The following PKHD1 variants were observed in gnomAD, a reference collection of about 807,000 sequenced individuals.
The protein encoded by PKHD1 is PKHD1 ciliary IPT domain containing fibrocystin/polyductin.
PKHD1 carries 291 observed loss-of-function variants against 412.0 expected under a neutral mutation model. The observed-to-expected ratio is 0.71, with a 90% CI of 0.64 to 0.78. The LOEUF is 0.78. Among genes scored for constraint, PKHD1 ranks in the 30% least tolerant of loss-of-function variants. The pLI is 0.00. For synonymous variants in PKHD1, 1,777 were observed against 1,821.5 expected (o/e 0.98, Z 0.62); for missense variants, 4,825 against 4,950.7 (o/e 0.97, Z 0.76).
At chr6:51,892,815 C>A (rs1165279969) in intron 43 of PKHD1, among the ~76,000 whole-genome samples, 1 of 152,186 alleles carries the variant, frequency 6.6e-6, no homozygotes, top group Non-Finnish European at 1.5e-5. Context: ...CAATTTTTCT[C>A]TTGTGCTAGA....
intron 60 of PKHD1, 124 bp from the exon 61 acceptor site, chr6:51,660,093 C>T (rs1772596658): frequency 3.1e-6 from 2 of 651,680 alleles, no homozygotes; most frequent in Non-Finnish European, 5.2e-6. Flanking sequence ...TCTAATTGTG[C>T]CAGATACTGA....
At chr6:51,782,160 A>C (rs924386151) in intron 53 of PKHD1, among the ~76,000 whole-genome samples, 3 of 152,048 alleles carry the variant, frequency 2.0e-5, no homozygotes, top group Non-Finnish European at 4.4e-5. Flanking sequence ...TTTAAAAATT[A>C]TTAAAATAGG....
chr6:51,773,092 T>C (rs1443974636), intron 54 of PKHD1, among the ~76,000 whole-genome samples: 3 of 152,060 alleles, frequency 2.0e-5, no homozygotes, highest in African/African-American at 7.2e-5. Context: ...AGGTACTCCT[T>C]TCCACTCTTA....
intron 57 of PKHD1, among the ~76,000 whole-genome samples, chr6:51,751,877 T>G (rs1786170815): frequency 6.6e-6 from 1 of 152,194 alleles, no homozygotes. Context: ...TTTCACTGTA[T>G]GAAAACCAGC....
intron 60 of PKHD1, among the ~76,000 whole-genome samples, chr6:51,670,918 C>T (rs1049035837): frequency 5.3e-4 from 81 of 152,124 alleles, no homozygotes; most frequent in Non-Finnish European, 1.1e-3. Flanking sequence ...GAGAGATCTG[C>T]TGGTAGTCTG....
At chr6:52,031,939 T>C (rs1803112666) in intron 29 of PKHD1, among the ~76,000 whole-genome samples, 1 of 152,206 alleles carries the variant, frequency 6.6e-6, no homozygotes, top group Non-Finnish European at 1.5e-5. Flanking sequence ...TTGGCACTGA[T>C]ATAATGTATT....
chr6:51,717,293 TC>T (rs1470507949), intron 60 of PKHD1, among the ~76,000 whole-genome samples: 1 of 151,992 alleles, frequency 6.6e-6, no homozygotes, highest in African/African-American at 2.4e-5. Flanking sequence ...GTGCCTGTAA[TC>T]CCAGCTACTC....
At chr6:51,690,612 C>T (rs112083190) in intron 60 of PKHD1, among the ~76,000 whole-genome samples, 4,857 of 152,136 alleles carry the variant, frequency 0.032, 84 homozygotes, top group Non-Finnish European at 0.039. Context: ...TGGCTAGCAA[C>T]AGGCAGAAGA....
At position 52,073,444 on chromosome 6, in the gene PKHD1, AAAAC is replaced by A; in HGVS notation, c.527+15_527+18del. ...GCATGTATGTAACTAGTTAAACACA[AAAAC>A]AAACACACACTTACCTATCAATGTA... is the stretch of plus-strand genomic sequence containing the variant. On this transcript the variant is annotated intron_variant, in intron 7 of 66. Transcript: ENST00000371117. 1 of 1,533,504 alleles carries A rather than the reference AAAAC, an allele frequency of 6.5e-7. No individual in the cohort carries two copies. Among genetic ancestry groups the A allele is most frequent in the Non-Finnish European group, 9.0e-7 (1 of 1,106,924 alleles). The allele number at this position is 1,533,504 out of a possible 1,614,324, so 95.0% of individuals were successfully genotyped here.
chr6:51,659,144 A>C lies in PKHD1; in HGVS notation c.10982T>G (p.Val3661Gly), dbSNP rs2150411856. The change falls in exon 61 of 67, where the codon GTG (valine) becomes GGG (glycine). Residue 3661 changes from valine to glycine, a missense_variant. Val to Gly is a moderately radical substitution (Grantham distance 109). Transcript: ENST00000371117. ...CGAATCACCAATTTCAATGACAATCACTTTTGAGATAGTTTCCACAGTCAT... is the reference window on the plus strand; with the variant it reads ...CGAATCACCAATTTCAATGACAATCCCTTTTGAGATAGTTTCCACAGTCAT... Reference protein sequence around the residue: ...PPMTVETISKVIVIEIGDSPT... With the variant: ...PPMTVETISKGIVIEIGDSPT... 6.2e-7 allele frequency: 1 copy of C among 1,613,788 alleles called. No individual in the cohort carries two copies. The highest frequency in any genetic ancestry group is 1.1e-5 in the South Asian group (1 of 91,074).
chr6:51,925,378 C>T (rs895035806), intron 37 of PKHD1, among the ~76,000 whole-genome samples: 2 of 152,038 alleles, frequency 1.3e-5, no homozygotes, highest in Non-Finnish European at 2.9e-5. Context: ...GTTAATTTTG[C>T]GCATCAACTT....
chr6:52,036,448 C>A lies in PKHD1; in HGVS notation c.3098-727G>T, dbSNP rs561141750. 3.9e-5 allele frequency among the ~76,000 whole-genome samples: 6 copies of A among 152,352 alleles called. No homozygotes were observed. In the South Asian group the frequency reaches 1.2e-3, roughly 32 times the overall value. ...CACACGTTTCCATGTGGAGGAGCAG[C>A]CTTTGATCTAGCTAATGTATAATGA... On this transcript the variant is annotated intron_variant, in intron 27 of 66. Transcript: ENST00000371117.
intron 52 of PKHD1, among the ~76,000 whole-genome samples, chr6:51,792,797 T>C (rs565111258): frequency 5.2e-4 from 79 of 152,268 alleles, no homozygotes; most frequent in African/African-American, 1.8e-3. Context: ...CTATTCTCTC[T>C]CCTCACTGGC....
chr6:51,626,107 T>C (rs1767200369), intron 66 of PKHD1, among the ~76,000 whole-genome samples: 2 of 152,148 alleles, frequency 1.3e-5, no homozygotes, highest in African/African-American at 4.8e-5. Context: ...TGCTCATGTG[T>C]GCATGCACAC....
chr6:52,032,641 C>T (rs938575456), intron 29 of PKHD1, among the ~76,000 whole-genome samples: 1 of 152,208 alleles, frequency 6.6e-6, no homozygotes, highest in Non-Finnish European at 1.5e-5. Context: ...TACTTATTCT[C>T]TCCATTCCTT....
At chr6:51,783,154 G>A (rs1168290520) in intron 53 of PKHD1, among the ~76,000 whole-genome samples, 1 of 152,024 alleles carries the variant, frequency 6.6e-6, no homozygotes, top group Non-Finnish European at 1.5e-5. Context: ...CGAGTGCCTA[G>A]GATAATTACT....
intron 20 of PKHD1, 82 bp from the exon 21 acceptor site, chr6:52,053,333 G>C: frequency 7.1e-7 from 1 of 1,417,086 alleles, no homozygotes; most frequent in Non-Finnish European, 9.8e-7. Flanking sequence ...TCCCAACCTG[G>C]GGGGCCTGTG....
intron 35 of PKHD1, among the ~76,000 whole-genome samples, chr6:51,996,381 T>G (rs992309793): frequency 6.6e-6 from 1 of 152,172 alleles, no homozygotes; most frequent in Non-Finnish European, 1.5e-5. Flanking sequence ...AACAGACTAT[T>G]TCTTTCCCTA....
intron 66 of PKHD1, among the ~76,000 whole-genome samples, chr6:51,620,349 A>C (rs1358689163): frequency 6.6e-6 from 1 of 152,182 alleles, no homozygotes; most frequent in Non-Finnish European, 1.5e-5. Context: ...ACCATATAAT[A>C]CTGTGTAAAG....
Sources: gnomAD v4.1 joint callset for allele counts (sites outside exome capture counted in the v4.1 genomes callset) on GRCh38, gnomAD v4.1.1 for gene constraint, MANE v1.5 for transcripts, NCBI Gene and HGNC (gene_info 2026-07-23, HGNC 2026-07-21) for gene names.